The following DZIP1 variants were observed in gnomAD, a reference collection of about 807,000 sequenced individuals.
DZIP1 encodes DAZ interacting zinc finger protein 1.
In DZIP1, 97 loss-of-function variants were observed where a neutral mutation model predicts 107.6. The ratio of observed to expected loss-of-function variants is 0.90; its 90% confidence interval spans 0.77 to 1.07. The LOEUF is 1.07. Among genes scored for constraint, DZIP1 ranks in the 50% least tolerant of loss-of-function variants. The pLI is 0.00. For missense variants in DZIP1, 1,035 were observed against 1,063.6 expected (o/e 0.97, Z 0.37); for synonymous variants, 390 against 386.4 (o/e 1.01, Z -0.11).
chr13:95,605,590 A>G (rs2044748364), intron 14 of DZIP1, among the ~76,000 whole-genome samples: 1 of 152,228 alleles, frequency 6.6e-6, no homozygotes, highest in Non-Finnish European at 1.5e-5. Flanking sequence ...CTGTTTGTTT[A>G]GAAAAGGTGA....
chr13:95,627,792 C>T lies in DZIP1; in HGVS notation c.810+2197G>A, dbSNP rs144372297. 8.8e-3 allele frequency among the ~76,000 whole-genome samples: 1,342 copies of T among 152,130 alleles called. 20 individuals carry two copies. Among genetic ancestry groups the T allele is most frequent in the Non-Finnish European group, 7.2e-3 (492 of 67,974 alleles). On this transcript the variant is annotated intron_variant, in intron 7 of 22. Transcript: ENST00000376829. The stretch of plus-strand genomic sequence containing the variant: ...GCAATTCCATTCCTAAGTATATAAT[C>T]AAGAAAAATGAAAACATATGTCCAC...
intron 21 of DZIP1, among the ~76,000 whole-genome samples, chr13:95,585,587 T>C (rs1388516129): frequency 2.0e-5 from 3 of 152,316 alleles, no homozygotes; most frequent in African/African-American, 7.2e-5. Context: ...TCTTCTCTAA[T>C]GCAGACAGAG....
At position 95,641,407 on chromosome 13, in the gene DZIP1, A is replaced by C. The variant is rs1025744170; in HGVS notation, c.485T>G (p.Leu162Arg). Residue 162 changes from leucine to arginine, a missense_variant, in exon 5 of 23, where the codon CTG (leucine) becomes CGG (arginine). By Grantham distance (102) the Leu-to-Arg change is moderately radical. Transcript: ENST00000376829. The surrounding 1 kb of genome is among the most constrained non-coding windows in gnomAD (Gnocchi z 4.3). ...GATCTCCCCCGCCTGCTTGGTGAGC[A>C]GCTTCTTGCTCTGCTCGCCGTCGCA... Reference protein sequence around the residue: ...SHCDGEQSKKLLTKQAGEIKT... With the variant: ...SHCDGEQSKKRLTKQAGEIKT... 1 of 1,614,106 alleles carries C rather than the reference A, an allele frequency of 6.2e-7. No individual in the cohort carries two copies. The highest frequency in any genetic ancestry group is 1.1e-5 in the South Asian group (1 of 91,084).
chr13:95,614,244 TC>T (rs1010695098), intron 10 of DZIP1, among the ~76,000 whole-genome samples: 4 of 152,094 alleles, frequency 2.6e-5, no homozygotes, highest in Non-Finnish European at 5.9e-5. Context: ...AGAAAGATTT[TC>T]CGAGTGAAAC....
At chr13:95,602,766 T>C (rs960858754) in intron 14 of DZIP1, among the ~76,000 whole-genome samples, 13 of 152,196 alleles carry the variant, frequency 8.5e-5, no homozygotes, top group Admixed American at 1.3e-4. Context: ...CCCACTCTCC[T>C]TTAGAGGGTG....
At position 95,642,096 on chromosome 13, in the gene DZIP1, G is replaced by A; in HGVS notation, c.-67C>T. ...CGGGCCGCCGCCGCCACAGCCCTCA[G>A]GAGCGGGAGAAGGCCGGGTTCCTCG... On this transcript the variant is annotated 5_prime_UTR_variant, in exon 4 of 23. Coordinates refer to ENST00000376829, the MANE Select transcript of DZIP1 (RefSeq NM_198968.4). 1 of 1,453,082 alleles carries A rather than the reference G, an allele frequency of 6.9e-7. No homozygotes were observed. The highest frequency in any genetic ancestry group is 2.8e-5 in the East Asian group (1 of 35,598). 90.0% of individuals were successfully genotyped at this position (1,453,082 alleles called of 1,614,324 possible).
chr13:95,600,629 T>TAGATAGATAGATAGACAGACAGAC (rs147121754), intron 14 of DZIP1, among the ~76,000 whole-genome samples: 8 of 147,572 alleles, frequency 5.4e-5, no homozygotes, highest in African/African-American at 2.0e-4. Flanking sequence ...GATAGATAGA[T>TAGATAGATAGATAGACAGACAGAC]AGACAGACAG....
At chr13:95,607,197 G>T (rs1446920242) in intron 13 of DZIP1, among the ~76,000 whole-genome samples, 1 of 151,980 alleles carries the variant, frequency 6.6e-6, no homozygotes, top group Non-Finnish European at 1.5e-5. Context: ...CAGGCATGCG[G>T]CACCATGCTC....
intron 12 of DZIP1, among the ~76,000 whole-genome samples, chr13:95,610,111 T>TGTGTGTGTGTGTGAGA (rs368276400): frequency 7.9e-6 from 1 of 126,668 alleles, no homozygotes; most frequent in Non-Finnish European, 1.7e-5. Flanking sequence ...TGTGTGTGTG[T>TGTGTGTGTGTGTGAGA]GAGAGAGAGA....
At position 95,641,646 on chromosome 13, in the gene DZIP1, C is replaced by A; in HGVS notation, c.246G>T (p.Gly82=). 2 of 1,609,846 alleles carry A rather than the reference C, an allele frequency of 1.2e-6. No individual in the cohort carries two copies. Among genetic ancestry groups the A allele is most frequent in the Non-Finnish European group, 1.7e-6 (2 of 1,180,012 alleles). Residue 82 remains glycine (G), a synonymous_variant, in exon 5 of 23, where the codon GGG becomes GGT. Transcript: ENST00000376829. The surrounding 1 kb of genome is among the most constrained non-coding windows in gnomAD (Gnocchi z 4.3). ...LSAIDVDKVA[G]AVDVLTLQEN... is the part of the protein sequence containing the mutation. ...CCTGCAGCGTCAGCACGTCCACAGC[C>A]CCCGCCACCTTGTCCACGTCGATGG...
chr13:95,598,567 A>G (rs2044524547), intron 15 of DZIP1, among the ~76,000 whole-genome samples: 1 of 152,098 alleles, frequency 6.6e-6, no homozygotes, highest in Non-Finnish European at 1.5e-5. Context: ...ATATCATTTG[A>G]CTTCTTTTCC....
intron 16 of DZIP1, among the ~76,000 whole-genome samples, chr13:95,591,083 CA>C (rs2044300733): frequency 6.8e-6 from 1 of 146,260 alleles, no homozygotes. Context: ...GGCTGGAGTG[CA>C]ATGGCGCAAT....
Position 95,644,520 on chromosome 13 carries a change from C to T in DZIP1, c.-669G>A, listed in dbSNP as rs899384464. On this transcript the variant is annotated 5_prime_UTR_variant, in exon 1 of 23. Coordinates refer to ENST00000376829, the MANE Select transcript of DZIP1 (RefSeq NM_198968.4). ...CAAAGCGGAGAGAGGCAGGCCGGCTCCTTCTTGCAGGGCGCAGGATGAAAC... is the reference window on the plus strand; with the variant it reads ...CAAAGCGGAGAGAGGCAGGCCGGCTTCTTCTTGCAGGGCGCAGGATGAAAC... 6.5e-6 allele frequency: 1 copy of T among 153,024 alleles called. No individual in the cohort carries two copies. Among genetic ancestry groups the T allele is most frequent in the Non-Finnish European group, 1.5e-5 (1 of 68,742 alleles). 9.5% of individuals were successfully genotyped at this position (153,024 alleles called of 1,614,324 possible). A position where few individuals can be genotyped will look rare whatever the true frequency, so the allele number is the denominator to read the frequency against.
At chr13:95,599,148 T>C (rs2044541847) in intron 15 of DZIP1, among the ~76,000 whole-genome samples, 1 of 152,218 alleles carries the variant, frequency 6.6e-6, no homozygotes, top group African/African-American at 2.4e-5. Flanking sequence ...TTTATCTGCT[T>C]GCATAAGAAT....
chr13:95,609,493 C>G lies in DZIP1; in HGVS notation c.1384G>C (p.Ala462Pro), dbSNP rs755345464. 4.4e-6 allele frequency: 7 copies of G among 1,586,554 alleles called. No individual in the cohort carries two copies. The East Asian group carries it at 6.8e-5, about 15-fold the overall frequency. Residue 462 changes from alanine to proline, a missense_variant, in exon 13 of 23, where the codon GCT becomes CCT. By Grantham distance (27) the Ala-to-Pro change is conservative. Coordinates refer to ENST00000376829, the MANE Select transcript of DZIP1 (RefSeq NM_198968.4). ...EPKGNPLAWQ[A>P]FESQPAAPAV... ...GGAGCAGCTGGCTGAGATTCAAAAG[C>G]CTGCCAGGCTAAAGGATTTCCTGAA...
chr13:95,640,710 T>A (rs1173445052), intron 5 of DZIP1, among the ~76,000 whole-genome samples: 1 of 152,232 alleles, frequency 6.6e-6, no homozygotes, highest in Non-Finnish European at 1.5e-5. Context: ...TAAGTGAATG[T>A]TCTTGTTCTT....
chr13:95,626,491 C>A (rs1322713200), intron 7 of DZIP1, among the ~76,000 whole-genome samples: 1 of 151,930 alleles, frequency 6.6e-6, no homozygotes, highest in Admixed American at 6.6e-5. Flanking sequence ...CCAGACTGAC[C>A]CAATACAAAG....
Position 95,618,453 on chromosome 13 carries a change from T to C in DZIP1, c.1173+1432A>G, listed in dbSNP as rs374820309. Among the ~76,000 whole-genome samples the C allele has an allele frequency of 7.4e-4, 113 of 152,336 alleles. 2 individuals are homozygous for C. The South Asian group carries it at 0.022, about 30-fold the overall frequency. ...TTGCATGATGAAATGATATTTTAAATGGAATAGAGGAAAAATAGTGCTTCC... is the reference window on the plus strand; with the variant it reads ...TTGCATGATGAAATGATATTTTAAACGGAATAGAGGAAAAATAGTGCTTCC... On this transcript the variant is annotated intron_variant, in intron 10 of 22. Transcript: ENST00000376829.
rs202205262 is a variant in DZIP1 at position 95,638,461 on chromosome 13, TATA to T, written c.597+2831_597+2833del. 4.4e-3 allele frequency among the ~76,000 whole-genome samples: 676 copies of T among 152,324 alleles called. 9 individuals carry two copies. Among genetic ancestry groups the T allele is most frequent in the African/African-American group, 0.016 (646 of 41,560 alleles). On this transcript the variant is annotated intron_variant, in intron 5 of 22. Coordinates refer to ENST00000376829, the MANE Select transcript of DZIP1 (RefSeq NM_198968.4). ...TAGTCTATGCACTTTTTTGTATGTTTATAATATTTCAGTACTAATTTTTATTTG... is the reference window on the plus strand; with the variant it reads ...TAGTCTATGCACTTTTTTGTATGTTTATATTTCAGTACTAATTTTTATTTG...
Sources: allele counts gnomAD v4.1 joint callset (sites outside exome capture counted in the v4.1 genomes callset), GRCh38; gene constraint gnomAD v4.1.1; non-coding constraint Gnocchi (gnomAD v3.1); transcripts MANE v1.5; gene names NCBI Gene and HGNC (gene_info 2026-07-23, HGNC 2026-07-21).